The following PXDC1 variants were observed in gnomAD, a reference collection of about 807,000 sequenced individuals.
PXDC1 encodes the protein PX domain containing 1.
Under a neutral mutation model 24.4 loss-of-function variants are expected in PXDC1, and 13 were observed. The ratio of observed to expected loss-of-function variants is 0.53; its 90% CI spans 0.35 to 0.85. PXDC1 has a LOEUF of 0.85. Ranked by LOEUF, PXDC1 falls within the 40% of genes least tolerant of loss-of-function variation. The probability of loss-of-function intolerance (pLI) is 0.01; values close to 1 mark genes in which losing one functional copy is unlikely to be tolerated. For missense variants in PXDC1, 344 were observed against 309.3 expected, an observed-to-expected ratio of 1.11 and a Z score of -0.84; for synonymous variants, 162 against 124.9, an observed-to-expected ratio of 1.30 and a Z score of -1.98.
At chr6:3,733,599 A>G (rs1050919201) in intron 3 of PXDC1, among the ~76,000 whole-genome samples, 2 of 152,060 alleles carry the variant, frequency 1.3e-5, no homozygotes, top group Non-Finnish European at 2.9e-5. Flanking sequence ...GAGGAAGAGG[A>G]GGAAACACTC....
chr6:3,737,245 G>A lies in PXDC1; in HGVS notation c.349-49C>T. 7.5e-7 allele frequency: 1 copy of A among 1,335,430 alleles called. No homozygotes were observed. Among genetic ancestry groups the A allele is most frequent in the Non-Finnish European group, 1.1e-6 (1 of 928,306 alleles). 82.7% of individuals were successfully genotyped at this position (1,335,430 alleles called of 1,614,324 possible). A position where few individuals can be genotyped will look rare whatever the true frequency, so the allele number is the denominator to read the frequency against. ...TAAAAACGATCAGCCTCTACACGTT[G>A]GCCCTGTCTGTCTACCAAGAGAGGG... On this transcript the variant is annotated intron_variant, in intron 2 of 4. Coordinates refer to ENST00000380283, the MANE Select transcript of PXDC1 (RefSeq NM_183373.4). The surrounding 1 kb of genome is among the most constrained non-coding windows in gnomAD (Gnocchi z 5.5).
At chr6:3,740,956 C>T (rs1482211251) in intron 1 of PXDC1, among the ~76,000 whole-genome samples, 1 of 152,288 alleles carries the variant, frequency 6.6e-6, no homozygotes, top group African/African-American at 2.4e-5. Flanking sequence ...GCAACCAGCA[C>T]AGTGCCTGGC....
intron 3 of PXDC1, among the ~76,000 whole-genome samples, 195 bp from the exon 4 acceptor site, chr6:3,727,857 C>A (rs931706077): frequency 6.6e-6 from 1 of 152,148 alleles, no homozygotes; most frequent in African/African-American, 2.4e-5. Flanking sequence ...AGGTCAATCC[C>A]CGCAGGAGCC....
chr6:3,723,222 G>T lies in PXDC1; in HGVS notation c.*397C>A. The T allele has an allele frequency of 5.2e-6, 1 of 190,756 alleles. No individual in the cohort carries two copies. The highest frequency in any genetic ancestry group is 2.3e-5 in the African/African-American group (1 of 43,288). 11.8% of individuals were successfully genotyped at this position (190,756 alleles called of 1,614,324 possible). A position where few individuals can be genotyped will look rare whatever the true frequency, so the allele number is the denominator to read the frequency against. The stretch of plus-strand genomic sequence containing the variant: ...GCGTTTGCCGTGGGAGGGAATGGTG[G>T]GGAGTCAGGGTGGCTGGGGGGCACT... On this transcript the variant is annotated 3_prime_UTR_variant, in exon 5 of 5. Transcript: ENST00000380283.
rs199835734 is a variant in PXDC1 at position 3,723,576 on chromosome 6, C to A, written c.*43G>T. The stretch of plus-strand genomic sequence containing the variant: ...GCCAGCACAGTGGACAGCATCAGAG[C>A]TGGCAGTGAACAGCTGAGGCGGGGG... On this transcript the variant is annotated 3_prime_UTR_variant, in exon 5 of 5. Coordinates refer to ENST00000380283, the MANE Select transcript of PXDC1 (RefSeq NM_183373.4). 2 of 1,423,262 alleles carry A rather than the reference C, an allele frequency of 1.4e-6. No homozygotes were observed. Among genetic ancestry groups the A allele is most frequent in the Non-Finnish European group, 9.9e-7 (1 of 1,007,762 alleles). The allele number at this position is 1,423,262 out of a possible 1,614,324, so 88.2% of individuals were successfully genotyped here. A position where few individuals can be genotyped will look rare whatever the true frequency, so the allele number is the denominator to read the frequency against.
intron 1 of PXDC1, chr6:3,738,960 G>A (rs1010821942): frequency 4.6e-6 from 6 of 1,294,446 alleles, no homozygotes; most frequent in African/African-American, 4.6e-5. Flanking sequence ...CGAGGCTGAT[G>A]CAAACGTGCC....
chr6:3,731,954 G>A (rs951743818), intron 3 of PXDC1, among the ~76,000 whole-genome samples: 3 of 152,220 alleles, frequency 2.0e-5, no homozygotes, highest in African/African-American at 4.8e-5. Flanking sequence ...GCCTGGTGAG[G>A]AGGCTTCTGC....
In PXDC1 at chr6:3,725,522, G is replaced by A. The variant is rs1465649697; in HGVS notation, c.579-1786C>T. Among the ~76,000 whole-genome samples, 1 of 152,236 alleles carries A rather than the reference G, an allele frequency of 6.6e-6. No individual in the cohort carries two copies. The highest frequency in any genetic ancestry group is 1.9e-4 in the East Asian group (1 of 5,184). On this transcript the variant is annotated intron_variant, in intron 4 of 4. Coordinates refer to ENST00000380283, the MANE Select transcript of PXDC1 (RefSeq NM_183373.4). The surrounding 1 kb of genome is among the most constrained non-coding windows in gnomAD (Gnocchi z 4.8). ...GCACTGGTGCCCACTTGCCCCTGGG[G>A]CCAGACTCGGGGCAGCCTGCTGAGA... is the stretch of plus-strand genomic sequence containing the variant.
chr6:3,737,580 T>C lies in PXDC1; in HGVS notation c.349-384A>G. The stretch of plus-strand genomic sequence containing the variant: ...GTCTGCCTGGCGCTCAAGTCCAGGT[T>C]CTTAACCACCACTCACGACGAAGCC... On this transcript the variant is annotated intron_variant, in intron 2 of 4. Coordinates refer to ENST00000380283, the MANE Select transcript of PXDC1 (RefSeq NM_183373.4). This position sits in a 1 kb window ranked among gnomAD's most constrained non-coding sequence, Gnocchi z 5.5. The C allele has an allele frequency of 1.2e-6, 1 of 843,618 alleles. No individual in the cohort carries two copies. Among genetic ancestry groups the C allele is most frequent in the Non-Finnish European group, 1.4e-6 (1 of 700,402 alleles). The allele number at this position is 843,618 out of a possible 1,614,324, so 52.3% of individuals were successfully genotyped here. A position where few individuals can be genotyped will look rare whatever the true frequency, so the allele number is the denominator to read the frequency against.
In PXDC1 at chr6:3,738,099, C is replaced by A; in HGVS notation, c.306G>T (p.Glu102Asp). The A allele has an allele frequency of 6.2e-7, 1 of 1,614,120 alleles. No homozygotes were observed. The highest frequency in any genetic ancestry group is 8.5e-7 in the Non-Finnish European group (1 of 1,180,000). The change falls in exon 2 of 5, where the codon GAG becomes GAT. Residue 102 changes from glutamate to aspartate, a missense_variant. Transcript: ENST00000380283. The stretch of plus-strand genomic sequence containing the variant: ...TGATCGTCTTCAGCAGCTTCTCCAC[C>A]TCATTAAGCCTGGTCTCTATGTCGT... ...EAHDIETRLN[E>D]VEKLLKTIIS...
intron 1 of PXDC1, among the ~76,000 whole-genome samples, chr6:3,749,803 T>A (rs3887835): frequency 0.077 from 11,672 of 152,216 alleles, 710 homozygotes; most frequent in East Asian, 0.35. Context: ...CCAGCCTGCC[T>A]GGGGTCACGG....
chr6:3,741,898 A>T (rs542345441), intron 1 of PXDC1, among the ~76,000 whole-genome samples: 1 of 150,054 alleles, frequency 6.7e-6, no homozygotes, highest in African/African-American at 2.4e-5. Context: ...GGTGTATTTA[A>T]TGTGGAAGGA....
chr6:3,723,751 A>G lies in PXDC1; in HGVS notation c.579-15T>C. 1 of 1,603,924 alleles carries G rather than the reference A, an allele frequency of 6.2e-7. No homozygotes were observed. The highest frequency in any genetic ancestry group is 8.5e-7 in the Non-Finnish European group (1 of 1,170,728). On this transcript the variant is annotated splice_polypyrimidine_tract_variant and intron_variant, in intron 4 of 4. Transcript: ENST00000380283. ...CATTCTCAAATCTGAAATTAGAGAA[A>G]CCAGAGGTGAGGGGTGGCTCATTGT...
intron 1 of PXDC1, chr6:3,738,943 G>A: frequency 7.7e-7 from 1 of 1,300,876 alleles, no homozygotes; most frequent in Non-Finnish European, 1.0e-6. Context: ...CCCCACACTT[G>A]TGTGACCGAG....
intron 1 of PXDC1, among the ~76,000 whole-genome samples, chr6:3,749,202 C>T (rs111662864): frequency 0.037 from 5,610 of 151,964 alleles, 219 homozygotes; most frequent in Admixed American, 0.11. Context: ...TTCACCCCCT[C>T]CAGGGTGTGC....
chr6:3,731,823 G>A (rs914690180), intron 3 of PXDC1, among the ~76,000 whole-genome samples: 2 of 152,172 alleles, frequency 1.3e-5, no homozygotes, highest in Non-Finnish European at 2.9e-5. Flanking sequence ...AGAGTGATTC[G>A]ATTGAGGTGA....
intron 3 of PXDC1, among the ~76,000 whole-genome samples, chr6:3,730,515 TAAA>T (rs201115871): frequency 1.4e-5 from 2 of 144,130 alleles, no homozygotes; most frequent in African/African-American, 2.5e-5. Context: ...GTCCACAGTT[TAAA>T]AAAAAAAAAA....
chr6:3,750,930 G>C (rs1270151721), intron 1 of PXDC1, among the ~76,000 whole-genome samples: 1 of 151,946 alleles, frequency 6.6e-6, no homozygotes, highest in Non-Finnish European at 1.5e-5. Context: ...AGGGGGCTAG[G>C]GCCGGGCCGA....
intron 1 of PXDC1, among the ~76,000 whole-genome samples, chr6:3,747,834 G>C (rs1305562865): frequency 6.6e-6 from 1 of 152,182 alleles, no homozygotes; most frequent in African/African-American, 2.4e-5. Context: ...GGATGTTCTT[G>C]GTCTCTTGTT....
Sources: allele counts gnomAD v4.1 joint callset (sites outside exome capture counted in the v4.1 genomes callset), GRCh38; gene constraint gnomAD v4.1.1; non-coding constraint Gnocchi (gnomAD v3.1); transcripts MANE v1.5; gene names NCBI Gene and HGNC (gene_info 2026-07-23, HGNC 2026-07-21).